SLC8B1: variants seen among roughly 807,000 people sequenced by gnomAD.
The protein encoded by SLC8B1 is solute carrier family 8 member B1, also known as mitochondrial sodium/calcium exchanger protein.
In SLC8B1, 52 loss-of-function variants were observed where a neutral mutation model predicts 63.4. The ratio of observed to expected loss-of-function variants is 0.82; its 90% CI spans 0.66 to 1.03. SLC8B1 has a LOEUF of 1.03. Ranked by LOEUF, SLC8B1 falls within the 50% of genes least tolerant of loss-of-function variation. The pLI, the probability that SLC8B1 is intolerant of heterozygous loss-of-function variation, is 0.00. For missense variants in SLC8B1, 657 were observed against 741.7 expected (o/e 0.89, Z 1.33); for synonymous variants, 336 against 323.9 (o/e 1.04, Z -0.40).
chr12:113,311,697 ATTTTTTTTTTTT>A lies in SLC8B1; in HGVS notation c.1136-1354_1136-1343del, dbSNP rs58060872. On this transcript the variant is annotated intron_variant, in intron 11 of 15. Coordinates refer to ENST00000680972, the MANE Select transcript of SLC8B1 (RefSeq NM_001358345.2). ...ATGTTATGAGTGATTGTCAAGGGGG[ATTTTTTTTTTTT>A]TTTTTTTTTTTTTAGACAGGGTCTC... 1.0e-4 allele frequency among the ~76,000 whole-genome samples: 10 copies of A among 95,368 alleles called. No homozygotes were observed. In the East Asian group the frequency reaches 2.9e-3, roughly 27 times the overall value. The allele number at this position is 95,368 out of a possible 152,430, so 62.6% of individuals were successfully genotyped here.
At chr12:113,316,087 G>A (rs575047118) in intron 10 of SLC8B1, among the ~76,000 whole-genome samples, 82 of 152,250 alleles carry the variant, frequency 5.4e-4, no homozygotes, top group African/African-American at 1.9e-3. Flanking sequence ...AGCCAGGCGT[G>A]GTGGCGGGCG....
At chr12:113,321,425 A>T in intron 2 of SLC8B1, 77 bp from the exon 3 acceptor site, 1 of 1,593,660 alleles carries the variant, frequency 6.3e-7, no homozygotes, top group Non-Finnish European at 8.6e-7. Context: ...TAAGCAGCTA[A>T]ACATAATGTC....
chr12:113,329,984 T>C (rs1957037929), intron 2 of SLC8B1, among the ~76,000 whole-genome samples: 1 of 152,190 alleles, frequency 6.6e-6, no homozygotes, highest in Non-Finnish European at 1.5e-5. Context: ...CCTTTGCATC[T>C]ACTGTTCCCT....
chr12:113,318,173 TATGCATGTATGTGTTGCACATGTATGTGC>T (rs773908138), intron 8 of SLC8B1, among the ~76,000 whole-genome samples: 389 of 152,348 alleles, frequency 2.6e-3, no homozygotes, highest in Non-Finnish European at 4.0e-3. Flanking sequence ...TGCAGATGTG[TATGCATGTATGTGTTGCACATGTATGTGC>T]ATGTATTCAT....
intron 2 of SLC8B1, among the ~76,000 whole-genome samples, chr12:113,326,621 G>A (rs772149566): frequency 1.6e-4 from 24 of 150,992 alleles, no homozygotes; most frequent in African/African-American, 4.4e-4. Context: ...ACCAGCCTCC[G>A]CCTCCCAAAG....
intron 11 of SLC8B1, among the ~76,000 whole-genome samples, 186 bp from the exon 12 acceptor site, chr12:113,310,541 G>C (rs1000008973): frequency 6.6e-6 from 1 of 152,146 alleles, no homozygotes; most frequent in Non-Finnish European, 1.5e-5. Flanking sequence ...GAAAAAGAGA[G>C]ACACACAAAA....
At chr12:113,323,334 A>G (rs1420239632) in intron 2 of SLC8B1, among the ~76,000 whole-genome samples, 1 of 152,242 alleles carries the variant, frequency 6.6e-6, no homozygotes, top group African/African-American at 2.4e-5. Context: ...GGAATGGGAA[A>G]TAAGCAATTC....
chr12:113,315,375 G>C lies in SLC8B1; in HGVS notation c.1095C>G (p.Ile365Met), dbSNP rs535109236. The C allele has an allele frequency of 5.1e-6, 8 of 1,561,054 alleles. No individual in the cohort carries two copies. In the South Asian group the frequency reaches 8.3e-5, roughly 16 times the overall value. ...GGGTCAGGACCACAACCAGGGGGCT[G>C]ATAACCAGATGCAGACAGTTGAGGG... ...KRPLNCLHLVISPLVVVLTLQ... is the reference protein window; with the variant it reads ...KRPLNCLHLVMSPLVVVLTLQ... Residue 365 changes from isoleucine (I) to methionine (M), a missense_variant, in exon 11 of 16, where the codon ATC (isoleucine) becomes ATG (methionine). Ile to Met is a conservative substitution (Grantham distance 10). Coordinates refer to ENST00000680972, the MANE Select transcript of SLC8B1 (RefSeq NM_001358345.2).
At chr12:113,306,182 T>C (rs745675280) in intron 14 of SLC8B1, among the ~76,000 whole-genome samples, 8 of 146,732 alleles carry the variant, frequency 5.5e-5, no homozygotes, top group African/African-American at 1.5e-4. Context: ...GGGTCTTCCA[T>C]AGGACACATA....
intron 15 of SLC8B1, chr12:113,302,730 A>G: frequency 2.2e-6 from 1 of 454,100 alleles, no homozygotes; most frequent in Non-Finnish European, 4.4e-6. Context: ...AAACTGACAG[A>G]GTAAGTGACA....
chr12:113,317,116 T>C, intron 8 of SLC8B1, 115 bp from the exon 9 acceptor site: 1 of 897,478 alleles, frequency 1.1e-6, no homozygotes, highest in Middle Eastern at 2.2e-4. Flanking sequence ...ACTTAGTTAT[T>C]TGGGACAGGA....
At chr12:113,316,210 A>T (rs2136843833) in intron 10 of SLC8B1, among the ~76,000 whole-genome samples, 1 of 151,316 alleles carries the variant, frequency 6.6e-6, no homozygotes, top group Non-Finnish European at 1.5e-5. Flanking sequence ...TGGGCAATAG[A>T]GCGAAACTCT....
intron 13 of SLC8B1, 103 bp downstream of exon 13, chr12:113,307,588 A>G: frequency 7.2e-7 from 1 of 1,392,340 alleles, no homozygotes; most frequent in Non-Finnish European, 9.7e-7. Flanking sequence ...CAGAGGGCAG[A>G]CACCCTGGAC....
intron 2 of SLC8B1, among the ~76,000 whole-genome samples, chr12:113,322,363 CAG>C (rs1396951675): frequency 6.6e-6 from 1 of 152,206 alleles, no homozygotes; most frequent in Non-Finnish European, 1.5e-5. Context: ...TGCCTCCCCA[CAG>C]AGTCTTTCAC....
Position 113,299,543 on chromosome 12 carries a change from G to A in SLC8B1, c.*234C>T. The A allele has an allele frequency of 1.9e-6, 1 of 537,416 alleles. No individual in the cohort carries two copies. The highest frequency in any genetic ancestry group is 3.4e-6 in the Non-Finnish European group (1 of 297,876). The allele number at this position is 537,416 out of a possible 1,614,324, so 33.3% of individuals were successfully genotyped here. ...TTCTAGCTTCTCTCTGGAACCCTTT[G>A]TCCAGAGCAAAGCCAGGTTTCCAAG... is the stretch of plus-strand genomic sequence containing the variant. On this transcript the variant is annotated 3_prime_UTR_variant, in exon 16 of 16. Coordinates refer to ENST00000680972, the MANE Select transcript of SLC8B1 (RefSeq NM_001358345.2).
chr12:113,315,605 G>T, intron 10 of SLC8B1, 129 bp from the exon 11 acceptor site: 1 of 1,174,170 alleles, frequency 8.5e-7, no homozygotes, highest in Non-Finnish European at 1.2e-6. Context: ...CGGGTTCCAG[G>T]CTAAGTGCCT....
At chr12:113,329,924 C>T (rs1187589047) in intron 2 of SLC8B1, among the ~76,000 whole-genome samples, 2 of 152,170 alleles carry the variant, frequency 1.3e-5, no homozygotes, top group Admixed American at 6.5e-5. Flanking sequence ...CTCCCTTGCT[C>T]ACTGTTCCAG....
chr12:113,314,113 G>A (rs541027062), intron 11 of SLC8B1, among the ~76,000 whole-genome samples: 108 of 152,370 alleles, frequency 7.1e-4, no homozygotes, highest in African/African-American at 2.5e-3. Context: ...AGGCTTCCCC[G>A]CTCCGTAGAG....
intron 8 of SLC8B1, among the ~76,000 whole-genome samples, chr12:113,318,492 G>A: frequency 6.6e-6 from 1 of 151,038 alleles, no homozygotes. Flanking sequence ...ACATGTGTGA[G>A]TTGTGTGTGT....
Sources: allele counts gnomAD v4.1 joint callset (sites outside exome capture counted in the v4.1 genomes callset), GRCh38; gene constraint gnomAD v4.1.1; transcripts MANE v1.5; gene names NCBI Gene and HGNC (gene_info 2026-07-23, HGNC 2026-07-21).